GRM5: variants seen among roughly 807,000 people sequenced by gnomAD.
GRM5 encodes glutamate metabotropic receptor 5, also known as metabotropic glutamate receptor 5.
In GRM5, 19 loss-of-function variants were observed where a neutral mutation model predicts 83.1. That is an observed-to-expected ratio of 0.23 (90% CI 0.16 to 0.34). The LOEUF is 0.34. Among genes scored for constraint, GRM5 ranks in the 10% least tolerant of loss-of-function variants. GRM5 has a pLI of 1.00. For missense variants in GRM5, 1,160 were observed against 1,588.3 expected (o/e 0.73, Z 4.58); for synonymous variants, 675 against 633.6 (o/e 1.07, Z -0.98).
At chr11:88,973,028 T>C (rs886455756) in intron 2 of GRM5, among the ~76,000 whole-genome samples, 12 of 151,910 alleles carry the variant, frequency 7.9e-5, no homozygotes, top group African/African-American at 2.9e-4. Context: ...AAAGAAAAAA[T>C]AAGGAACTAT....
intron 3 of GRM5, among the ~76,000 whole-genome samples, chr11:88,781,199 T>C (rs1346286895): frequency 6.6e-6 from 1 of 150,920 alleles, no homozygotes; most frequent in Non-Finnish European, 1.5e-5. Flanking sequence ...GAAGAGCATG[T>C]GGGAGAGGAA....
intron 2 of GRM5, among the ~76,000 whole-genome samples, chr11:88,944,876 A>G (rs1372670944): frequency 1.3e-5 from 2 of 152,002 alleles, no homozygotes; most frequent in Non-Finnish European, 1.5e-5. Context: ...ACAAGGCAAC[A>G]GAGAAAAATA....
At chr11:88,611,601 C>T (rs1337132538) in intron 4 of GRM5, among the ~76,000 whole-genome samples, 2 of 152,190 alleles carry the variant, frequency 1.3e-5, no homozygotes, top group East Asian at 3.9e-4. Flanking sequence ...TGGATCTTCT[C>T]TTTCTTTCTT....
intron 3 of GRM5, among the ~76,000 whole-genome samples, chr11:88,812,968 TCTGGTAAATCCTTATC>T (rs1943612105): frequency 6.6e-6 from 1 of 152,178 alleles, no homozygotes; most frequent in African/African-American, 2.4e-5. Flanking sequence ...TCACCTGAAT[TCTGGTAAATCCTTATC>T]TTTCTGTCTT....
At chr11:88,703,279 C>A (rs1248851503) in intron 3 of GRM5, among the ~76,000 whole-genome samples, 1 of 152,060 alleles carries the variant, frequency 6.6e-6, no homozygotes, top group African/African-American at 2.4e-5. Flanking sequence ...GAATAATTCT[C>A]TTTTCAATCA....
chr11:89,065,766 C>T lies in GRM5; in HGVS notation c.-201+10G>A, dbSNP rs1262784793. ...TATAGCCAAGAGAAAGAAAAAGGCG[C>T]TGTGCTTACCAGGTGCGCGCCCTGA... On this transcript the variant is annotated intron_variant, in intron 1 of 9. Coordinates refer to ENST00000305447, the MANE Select transcript of GRM5 (RefSeq NM_001143831.3). The T allele has an allele frequency of 6.6e-6, 1 of 152,304 alleles. No individual in the cohort carries two copies. Among genetic ancestry groups the T allele is most frequent in the Non-Finnish European group, 1.5e-5 (1 of 68,098 alleles). 9.4% of individuals were successfully genotyped at this position (152,304 alleles called of 1,614,324 possible).
intron 4 of GRM5, among the ~76,000 whole-genome samples, chr11:88,634,939 G>C (rs1939077018): frequency 6.6e-6 from 1 of 152,160 alleles, no homozygotes; most frequent in African/African-American, 2.4e-5. Context: ...GACCATTGTT[G>C]TATATGTGGA....
At chr11:88,545,486 C>A (rs1942368363) in intron 8 of GRM5, among the ~76,000 whole-genome samples, 1 of 126,884 alleles carries the variant, frequency 7.9e-6, no homozygotes, top group African/African-American at 2.9e-5. Flanking sequence ...ATTCTCTAGT[C>A]TGAACCTTTC....
intron 3 of GRM5, among the ~76,000 whole-genome samples, chr11:88,704,826 C>G (rs1941117440): frequency 6.6e-6 from 1 of 152,016 alleles, no homozygotes; most frequent in African/African-American, 2.4e-5. Context: ...CTACCATTTC[C>G]CCATTCACCC....
chr11:89,045,175 T>G (rs1373423896), intron 2 of GRM5, among the ~76,000 whole-genome samples: 3 of 152,212 alleles, frequency 2.0e-5, no homozygotes, highest in Admixed American at 6.5e-5. Flanking sequence ...ATATTTTGCC[T>G]GAATTTGGCA....
At chr11:88,834,142 T>G (rs978260703) in intron 3 of GRM5, among the ~76,000 whole-genome samples, 1 of 152,114 alleles carries the variant, frequency 6.6e-6, no homozygotes, top group Non-Finnish European at 1.5e-5. Flanking sequence ...ATAGAAATGA[T>G]AAATACGTGA....
intron 3 of GRM5, among the ~76,000 whole-genome samples, chr11:88,720,017 C>CTGTT (rs1345906033): frequency 6.6e-6 from 1 of 152,002 alleles, no homozygotes; most frequent in African/African-American, 2.4e-5. Flanking sequence ...TGTAGCTTGT[C>CTGTT]TGTTTACTCT....
intron 2 of GRM5, among the ~76,000 whole-genome samples, chr11:88,915,844 G>T (rs1362365437): frequency 6.6e-6 from 1 of 152,112 alleles, no homozygotes; most frequent in Admixed American, 6.6e-5. Context: ...CAGACATTAT[G>T]TTCCTTAAGA....
At chr11:88,520,601 C>G (rs58637704) in intron 9 of GRM5, among the ~76,000 whole-genome samples, 1 of 152,110 alleles carries the variant, frequency 6.6e-6, no homozygotes, top group African/African-American at 2.4e-5. Context: ...TCTCAATACA[C>G]TGCAGATTTT....
chr11:88,574,161 A>G (rs991310361), intron 7 of GRM5, among the ~76,000 whole-genome samples: 1 of 152,176 alleles, frequency 6.6e-6, no homozygotes, highest in Non-Finnish European at 1.5e-5. Flanking sequence ...TTTGCACACA[A>G]ACGGGTCCTC....
intron 4 of GRM5, among the ~76,000 whole-genome samples, chr11:88,613,964 A>C (rs1327611981): frequency 1.3e-5 from 2 of 152,136 alleles, no homozygotes. Context: ...TAACATGCTA[A>C]GTAAAGAAGA....
chr11:89,036,566 C>A (rs1050689314), intron 2 of GRM5, among the ~76,000 whole-genome samples: 3 of 151,908 alleles, frequency 2.0e-5, no homozygotes, highest in Admixed American at 6.6e-5. Flanking sequence ...TCAAAACAAT[C>A]TTATAGGGCA....
At chr11:88,568,992 A>C (rs1173740154) in intron 7 of GRM5, among the ~76,000 whole-genome samples, 1 of 152,316 alleles carries the variant, frequency 6.6e-6, no homozygotes, top group Admixed American at 6.5e-5. Flanking sequence ...AAAAATAGTG[A>C]CAGAATATAG....
At chr11:88,652,214 G>A (rs1376915756) in intron 4 of GRM5, among the ~76,000 whole-genome samples, 1 of 151,946 alleles carries the variant, frequency 6.6e-6, no homozygotes, top group Non-Finnish European at 1.5e-5. Context: ...AATGTTTCAT[G>A]TTCAATTTGC....
Sources: gnomAD v4.1 joint callset for allele counts (sites outside exome capture counted in the v4.1 genomes callset) on GRCh38, gnomAD v4.1.1 for gene constraint, MANE v1.5 for transcripts, NCBI Gene and HGNC (gene_info 2026-07-23, HGNC 2026-07-21) for gene names.